The following PROM1 variants were observed in gnomAD, a reference collection of about 807,000 sequenced individuals.
PROM1 encodes prominin 1.
In PROM1, 105 loss-of-function variants were observed where a neutral mutation model predicts 116.9. The observed-to-expected ratio is 0.90, with a 90% CI of 0.77 to 1.06. The LOEUF (loss-of-function observed/expected upper bound fraction) is 1.06, where lower values mean the gene tolerates loss of function less well. Among genes scored for constraint, PROM1 ranks in the 50% least tolerant of loss-of-function variants. The pLI is 0.00. For synonymous variants in PROM1, 393 were observed against 387.0 expected (o/e 1.02, Z -0.18); for missense variants, 1,122 against 1,045.2 (o/e 1.07, Z -1.01).
At chr4:15,971,496 C>CA (rs1714536851) in intron 26 of PROM1, 1 of 162,212 alleles carries the variant, frequency 6.2e-6, no homozygotes, top group Non-Finnish European at 1.4e-5. Context: ...GACCTTGTTA[C>CA]AACTACAAAT....
intron 26 of PROM1, among the ~76,000 whole-genome samples, chr4:15,975,857 G>A (rs1015387593): frequency 1.3e-5 from 2 of 152,224 alleles, no homozygotes; most frequent in African/African-American, 4.8e-5. Context: ...TTGTTACCAT[G>A]AAAGATGCTT....
At position 15,998,388 on chromosome 4, in the gene PROM1, T is replaced by C; in HGVS notation, c.1679A>G (p.Tyr560Cys). 6.3e-7 allele frequency: 1 copy of C among 1,596,008 alleles called. No individual in the cohort carries two copies. Among genetic ancestry groups the C allele is most frequent in the South Asian group, 1.2e-5 (1 of 85,874 alleles). Residue 560 changes from tyrosine to cysteine, a missense_variant, in exon 15 of 28, where the codon TAC becomes TGC. Transcript: ENST00000447510. ...SKMKLTFEQV[Y>C]SDCKKNRGTY... is the part of the protein sequence containing the mutation. ...TGTATAATGCAAATATTGATACCTG[T>C]AAACTTGTTCAAAAGTGAGCTTCAT...
chr4:16,022,525 A>G (rs540139512), intron 8 of PROM1, among the ~76,000 whole-genome samples: 10 of 152,352 alleles, frequency 6.6e-5, no homozygotes, highest in African/African-American at 2.4e-4. Flanking sequence ...ACTATAAGGC[A>G]TGCCAAAAGG....
At chr4:16,042,840 A>G (rs1260783917) in intron 2 of PROM1, among the ~76,000 whole-genome samples, 1 of 152,154 alleles carries the variant, frequency 6.6e-6, no homozygotes, top group Non-Finnish European at 1.5e-5. Context: ...CTATACATCA[A>G]CGGAGCTAAC....
chr4:16,035,766 A>G lies in PROM1; in HGVS notation c.277-5T>C, dbSNP rs1353249383. 1 of 1,613,430 alleles carries G rather than the reference A, an allele frequency of 6.2e-7. No individual in the cohort carries two copies. The highest frequency in any genetic ancestry group is 8.5e-7 in the Non-Finnish European group (1 of 1,179,474). ...ACCTAAGATTACAGTTTCTGGCTGT[A>G]GAAGTCAACGCAGGTGAGGAATTTT... On this transcript the variant is annotated splice_polypyrimidine_tract_variant and splice_region_variant and intron_variant, in intron 3 of 27. Transcript: ENST00000447510.
intron 5 of PROM1, among the ~76,000 whole-genome samples, chr4:16,030,104 C>A (rs1453575139): frequency 1.3e-5 from 2 of 152,102 alleles, no homozygotes; most frequent in Non-Finnish European, 2.9e-5. Flanking sequence ...GGATTACTTG[C>A]AAACAATATG....
rs1730941164 is a variant in PROM1, at chr4:16,025,205, T to C, written c.617A>G (p.Asn206Ser). ...SNFKDLRTLL[N>S]ETPEQIKYIL... Reference sequence around the variant, plus strand: ...GATGGTTTTTACCTCTGGAGTTTCATTCAAGAGAGTTCGCAAGTCCTTGAA... The same window carrying C: ...GATGGTTTTTACCTCTGGAGTTTCACTCAAGAGAGTTCGCAAGTCCTTGAA... Residue 206 changes from asparagine to serine, a missense_variant, in exon 6 of 28, where the codon AAT becomes AGT. By Grantham distance (46) the Asn-to-Ser change is conservative. Coordinates refer to ENST00000447510, the MANE Select transcript of PROM1 (RefSeq NM_006017.3). 1.9e-6 allele frequency: 3 copies of C among 1,613,936 alleles called. No homozygotes were observed. Among genetic ancestry groups the C allele is most frequent in the East Asian group, 2.2e-5 (1 of 44,882 alleles).
At chr4:15,978,659 CG>C (rs1716869717) in intron 26 of PROM1, among the ~76,000 whole-genome samples, 1 of 152,176 alleles carries the variant, frequency 6.6e-6, no homozygotes. Flanking sequence ...GGAGCGGGCT[CG>C]GGGGAGCACT....
In PROM1 at chr4:16,025,219, C is replaced by A. The variant is rs776601619; in HGVS notation, c.603G>T (p.Leu201Phe). The A allele has an allele frequency of 2.5e-6, 4 of 1,613,822 alleles. No homozygotes were observed. The highest frequency in any genetic ancestry group is 1.3e-5 in the African/African-American group (1 of 74,936). The change falls in exon 6 of 28, where the codon TTG becomes TTT. Residue 201 changes from leucine (L) to phenylalanine (F), a missense_variant. Physicochemically the swap from Leu to Phe is conservative, Grantham distance 22. Transcript: ENST00000447510. ...RKLADSNFKD[L>F]RTLLNETPEQ... Reference sequence around the variant, plus strand: ...CTGGAGTTTCATTCAAGAGAGTTCGCAAGTCCTTGAAATTGCTATCTGCCA... The same window carrying A: ...CTGGAGTTTCATTCAAGAGAGTTCGAAAGTCCTTGAAATTGCTATCTGCCA...
chr4:16,018,076 T>A (rs1448672944), intron 9 of PROM1, among the ~76,000 whole-genome samples: 1 of 152,224 alleles, frequency 6.6e-6, no homozygotes, highest in Non-Finnish European at 1.5e-5. Flanking sequence ...TTTGTAAAGT[T>A]GAATTAATTC....
At position 16,000,617 on chromosome 4, in the gene PROM1, C is replaced by T; in HGVS notation, c.1457G>A (p.Gly486Glu). 1 of 1,550,048 alleles carries T rather than the reference C, an allele frequency of 6.5e-7. No individual in the cohort carries two copies. Among genetic ancestry groups the T allele is most frequent in the Non-Finnish European group, 8.8e-7 (1 of 1,137,388 alleles). ...GCAAAAGAGGAAACTTAATCCAACT[C>T]CACTGGAAAAAAATATAAAGTTAGT... Reference protein sequence around the residue: ...SNTGGVFLMVGVGLSFLFCWI... With the variant: ...SNTGGVFLMVEVGLSFLFCWI... Residue 486 changes from glycine (G) to glutamate (E), a missense_variant and splice_region_variant, in exon 14 of 28, where the codon GGA becomes GAA. Coordinates refer to ENST00000447510, the MANE Select transcript of PROM1 (RefSeq NM_006017.3).
Position 16,075,914 on chromosome 4 carries a change from A to T in PROM1, c.-8T>A. 1 of 1,599,300 alleles carries T rather than the reference A, an allele frequency of 6.3e-7. No homozygotes were observed. The highest frequency in any genetic ancestry group is 1.1e-5 in the South Asian group (1 of 88,914). On this transcript the variant is annotated 5_prime_UTR_variant, in exon 2 of 28. Transcript: ENST00000447510. Reference sequence around the variant, plus strand: ...GCCGAGTACGAGGGCCATAGCTAGCAAGATCCTCCAAACATGAGGTAGAAC... The same window carrying T: ...GCCGAGTACGAGGGCCATAGCTAGCTAGATCCTCCAAACATGAGGTAGAAC...
chr4:15,995,556 C>T (rs762821050), intron 15 of PROM1, among the ~76,000 whole-genome samples: 1 of 152,106 alleles, frequency 6.6e-6, no homozygotes, highest in Admixed American at 6.5e-5. Context: ...ATAATGGAAA[C>T]GAGGACTTTT....
In PROM1 at chr4:16,076,568, T is replaced by A. The variant is rs75349279; in HGVS notation, c.-212-450A>T. 1,372 of 152,622 alleles carry A rather than the reference T, an allele frequency of 9.0e-3. 5 individuals are homozygous for A. The highest frequency in any genetic ancestry group is 0.014 in the Non-Finnish European group (958 of 68,288). The allele number at this position is 152,622 out of a possible 1,614,324, so 9.5% of individuals were successfully genotyped here. A position where few individuals can be genotyped will look rare whatever the true frequency, so the allele number is the denominator to read the frequency against. Reference sequence around the variant, plus strand: ...GCCCAAGGTCACAGGTGATTAACCATGTGGCCAAGAGTCAAACCCACTAGT... The same window carrying A: ...GCCCAAGGTCACAGGTGATTAACCAAGTGGCCAAGAGTCAAACCCACTAGT... On this transcript the variant is annotated intron_variant, in intron 1 of 27. Transcript: ENST00000447510.
chr4:16,024,156 G>T, intron 7 of PROM1, 139 bp downstream of exon 7: 1 of 739,110 alleles, frequency 1.4e-6, no homozygotes, highest in Non-Finnish European at 2.2e-6. Context: ...AGTAACAAAT[G>T]ACACATTGGC....
In PROM1 at chr4:16,076,099, A is replaced by T; in HGVS notation, c.-193T>A. On this transcript the variant is annotated 5_prime_UTR_variant, in exon 2 of 28. An upstream start codon of the reference 5' UTR is lost. Transcript: ENST00000447510. ...CGGAAGAATGTTCTCCAAGGGGGTC[A>T]TTCACTCAAGGCACCATCCCTGGCA... 1 of 1,197,568 alleles carries T rather than the reference A, an allele frequency of 8.4e-7. No individual in the cohort carries two copies. The allele number at this position is 1,197,568 out of a possible 1,614,324, so 74.2% of individuals were successfully genotyped here.
intron 22 of PROM1, 94 bp downstream of exon 22, chr4:15,985,666 G>A (rs1719182372): frequency 1.0e-6 from 1 of 973,096 alleles, no homozygotes; most frequent in African/African-American, 1.6e-5. Context: ...CAAATTATGG[G>A]AAATTTAATT....
At chr4:15,992,746 G>A (rs1448601596) in intron 16 of PROM1, among the ~76,000 whole-genome samples, 1 of 152,152 alleles carries the variant, frequency 6.6e-6, no homozygotes, top group African/African-American at 2.4e-5. Flanking sequence ...TGGGTCCCAT[G>A]GCTTCTAAGC....
intron 2 of PROM1, among the ~76,000 whole-genome samples, chr4:16,063,577 C>T (rs529260204): frequency 2.0e-5 from 3 of 152,252 alleles, no homozygotes; most frequent in African/African-American, 7.2e-5. Flanking sequence ...GCCTGGGTGA[C>T]AGAGTGAGAC....
Sources: allele counts gnomAD v4.1 joint callset (sites outside exome capture counted in the v4.1 genomes callset), GRCh38; gene constraint gnomAD v4.1.1; transcripts MANE v1.5; gene names NCBI Gene and HGNC (gene_info 2026-07-23, HGNC 2026-07-21).